DEPDC7: variants seen among roughly 807,000 people sequenced by gnomAD.
DEPDC7 encodes the protein DEP domain-containing protein 7.
DEPDC7 carries 41 observed loss-of-function variants against 56.6 expected under a neutral mutation model. That is an observed-to-expected ratio of 0.72 (90% CI 0.56 to 0.94). DEPDC7 has a LOEUF of 0.94. Ranked by LOEUF, DEPDC7 falls within the 40% of genes least tolerant of loss-of-function variation. The probability of loss-of-function intolerance (pLI) is 0.00; values close to 1 mark genes in which losing one functional copy is unlikely to be tolerated. For synonymous variants in DEPDC7, 185 were observed against 208.8 expected (o/e 0.89, Z 0.98); for missense variants, 522 against 596.3 (o/e 0.88, Z 1.30).
chr11:33,033,389 G>C lies in DEPDC7; in HGVS notation c.1470G>C (p.Lys490Asn), dbSNP rs1165971898. Residue 490 changes from lysine to asparagine, a missense_variant, in exon 9 of 9, where the codon AAG (lysine) becomes AAC (asparagine). Coordinates refer to ENST00000241051, the MANE Select transcript of DEPDC7 (RefSeq NM_001077242.2). ...ATTCAAAACTTTCTGCCAAAGAGAA[G>C]AAAAAATTGCTAGGTCAATTCTATA... ...DEDSKLSAKE[K>N]KKLLGQFYKC... 4 of 1,609,640 alleles carry C rather than the reference G, an allele frequency of 2.5e-6. No individual in the cohort carries two copies.
intron 3 of DEPDC7, chr11:33,028,333 A>G (rs1853599019): frequency 6.4e-6 from 2 of 311,382 alleles, no homozygotes; most frequent in African/African-American, 2.1e-5. Flanking sequence ...CCTTATTAAC[A>G]TGTTACATGA....
intron 6 of DEPDC7, 24 bp from the exon 7 acceptor site, chr11:33,032,644 G>GATATATTTGTTTT (rs1479421064): frequency 6.8e-7 from 1 of 1,466,916 alleles, no homozygotes; most frequent in Non-Finnish European, 9.3e-7. Flanking sequence ...TATACTATTG[G>GATATATTTGTTTT]ATATATTTGT....
chr11:33,033,082 C>A, intron 8 of DEPDC7, 115 bp downstream of exon 8: 1 of 993,790 alleles, frequency 1.0e-6, no homozygotes, highest in Non-Finnish European at 1.5e-6. Context: ...AAAACATTCT[C>A]CTCAGAGTTA....
At position 33,015,884 on chromosome 11, in the gene DEPDC7, A is replaced by G; in HGVS notation, c.-72A>G. 1 of 1,454,402 alleles carries G rather than the reference A, an allele frequency of 6.9e-7. No homozygotes were observed. The highest frequency in any genetic ancestry group is 2.8e-5 in the East Asian group (1 of 36,228). The allele number at this position is 1,454,402 out of a possible 1,614,324, so 90.1% of individuals were successfully genotyped here. On this transcript the variant is annotated 5_prime_UTR_variant, in exon 1 of 9. Coordinates refer to ENST00000241051, the MANE Select transcript of DEPDC7 (RefSeq NM_001077242.2). ...GCAGGGAGCCACGCCCCGCACAGTT[A>G]ACAGACGGGCGCTCAGGGAGCTAGG...
Position 33,030,115 on chromosome 11 carries a change from A to G in DEPDC7, c.783-1263A>G, listed in dbSNP as rs569379264. ...GCTGGAACTACAGGCGCACGCCACC[A>G]TGCCTGGCTGATTTTTGTATTTTTA... On this transcript the variant is annotated intron_variant, in intron 4 of 8. Transcript: ENST00000241051. Among the ~76,000 whole-genome samples the G allele has an allele frequency of 2.3e-3, 346 of 152,252 alleles. 1 individual carries two copies. Among genetic ancestry groups the G allele is most frequent in the African/African-American group, 8.2e-3 (339 of 41,546 alleles).
Position 33,033,507 on chromosome 11 carries a change from C to G in DEPDC7, c.*52C>G, listed in dbSNP as rs1297097487. On this transcript the variant is annotated 3_prime_UTR_variant, in exon 9 of 9. Transcript: ENST00000241051. ...GTATTTTAAGAATAAATTATGTATC[C>G]TAAATATCCAATCACATTTGTAAGC... 8.1e-7 allele frequency: 1 copy of G among 1,231,742 alleles called. No individual in the cohort carries two copies. The highest frequency in any genetic ancestry group is 1.1e-6 in the Non-Finnish European group (1 of 900,366). The allele number at this position is 1,231,742 out of a possible 1,614,324, so 76.3% of individuals were successfully genotyped here. A position where few individuals can be genotyped will look rare whatever the true frequency, so the allele number is the denominator to read the frequency against.
At chr11:33,025,109 C>T (rs1435726358) in intron 1 of DEPDC7, among the ~76,000 whole-genome samples, 3 of 152,114 alleles carry the variant, frequency 2.0e-5, no homozygotes, top group African/African-American at 7.2e-5. Flanking sequence ...AGCCCCTCTC[C>T]CTCCTTGATC....
At chr11:33,027,912 G>A (rs979882204) in intron 3 of DEPDC7, 99 bp downstream of exon 3, 2 of 1,270,644 alleles carry the variant, frequency 1.6e-6, no homozygotes, top group African/African-American at 1.6e-5. Context: ...AATATTCAAA[G>A]TACAGAGAAA....
In DEPDC7 at chr11:33,031,460, C is replaced by G. The variant is rs765821983; in HGVS notation, c.865C>G (p.Pro289Ala). 19 of 1,614,020 alleles carry G rather than the reference C, an allele frequency of 1.2e-5. No individual in the cohort carries two copies. In the Admixed American group the frequency reaches 3.2e-4, roughly 27 times the overall value. ...GGTGGTGGAAATAAGCAGAAGCTTT[C>G]CTGAGCAACCAGACCGAACAGACTT... ...QMVVEISRSF[P>A]EQPDRTDLVK... Residue 289 changes from proline (P) to alanine (A), a missense_variant, in exon 5 of 9, where the codon CCT becomes GCT. Transcript: ENST00000241051.
intron 8 of DEPDC7, 85 bp downstream of exon 8, chr11:33,033,052 C>CT: frequency 8.9e-7 from 1 of 1,129,854 alleles, no homozygotes. Context: ...AGTAGTTGGA[C>CT]TTTAATTTCA....
chr11:33,033,545 A>C lies in DEPDC7; in HGVS notation c.*90A>C, dbSNP rs1478812922. 2 of 996,684 alleles carry C rather than the reference A, an allele frequency of 2.0e-6. No individual in the cohort carries two copies. The highest frequency in any genetic ancestry group is 1.7e-5 in the African/African-American group (1 of 59,842). 61.7% of individuals were successfully genotyped at this position (996,684 alleles called of 1,614,324 possible). A position where few individuals can be genotyped will look rare whatever the true frequency, so the allele number is the denominator to read the frequency against. ...CACATTTGTAAGCGTGGAAGCTCTA[A>C]ATTTGAAACTGTACTTAATAAAAAT... On this transcript the variant is annotated 3_prime_UTR_variant, in exon 9 of 9. Transcript: ENST00000241051.
Position 33,028,700 on chromosome 11 carries a change from A to G in DEPDC7, c.690A>G (p.Val230=), listed in dbSNP as rs190343171. The stretch of plus-strand genomic sequence containing the variant: ...CCTTACTGAAACAGCAAGAGGCTGT[A>G]CCTAAAATTCCTCAACCTAAGAGGC... ...LDSLLKQQEA[V]PKIPQPKRQS... is the part of the protein sequence containing the mutation. Residue 230 remains valine (V), a synonymous_variant, in exon 4 of 9, where the codon GTA becomes GTG. Transcript: ENST00000241051. The G allele has an allele frequency of 1.7e-5, 27 of 1,613,998 alleles. No homozygotes were observed. The East Asian group carries it at 5.8e-4, about 35-fold the overall frequency.
At chr11:33,023,662 A>T (rs1469113905) in intron 1 of DEPDC7, among the ~76,000 whole-genome samples, 1 of 152,170 alleles carries the variant, frequency 6.6e-6, no homozygotes, top group East Asian at 1.9e-4. Flanking sequence ...CCTCCTGAGT[A>T]ACTGGGATTG....
chr11:33,033,192 T>C, intron 8 of DEPDC7, 70 bp from the exon 9 acceptor site: 1 of 1,223,456 alleles, frequency 8.2e-7, no homozygotes, highest in Non-Finnish European at 1.2e-6. Context: ...GACAAGAATA[T>C]TGCTTGATTT....
chr11:33,025,100 G>T (rs1325684814), intron 1 of DEPDC7, among the ~76,000 whole-genome samples: 3 of 152,004 alleles, frequency 2.0e-5, no homozygotes, highest in Non-Finnish European at 4.4e-5. Context: ...TCAAACTCCA[G>T]CCCCTCTCCC....
chr11:33,015,882 T>C lies in DEPDC7; in HGVS notation c.-74T>C, dbSNP rs1384091880. The C allele has an allele frequency of 9.7e-6, 14 of 1,445,182 alleles. No individual in the cohort carries two copies. Among genetic ancestry groups the C allele is most frequent in the Non-Finnish European group, 1.3e-5 (14 of 1,069,218 alleles). 89.5% of individuals were successfully genotyped at this position (1,445,182 alleles called of 1,614,324 possible). ...CTGCAGGGAGCCACGCCCCGCACAG[T>C]TAACAGACGGGCGCTCAGGGAGCTA... On this transcript the variant is annotated 5_prime_UTR_variant, in exon 1 of 9. Transcript: ENST00000241051.
intron 2 of DEPDC7, chr11:33,026,256 AAC>A (rs1267228794): frequency 1.7e-6 from 1 of 591,238 alleles, no homozygotes; most frequent in Non-Finnish European, 3.0e-6. Context: ...AGAAGCAGTC[AAC>A]ACACTTTGAT....
chr11:33,031,362 C>T lies in DEPDC7; in HGVS notation c.783-16C>T. The T allele has an allele frequency of 6.3e-7, 1 of 1,592,984 alleles. No individual in the cohort carries two copies. Among genetic ancestry groups the T allele is most frequent in the Non-Finnish European group, 8.6e-7 (1 of 1,160,840 alleles). Reference sequence around the variant, plus strand: ...CTTCCCTTGCCTTTTAAATAATCTTCCCCTCTCCCCTATAGGGAAGATGAG... The same window carrying T: ...CTTCCCTTGCCTTTTAAATAATCTTTCCCTCTCCCCTATAGGGAAGATGAG... On this transcript the variant is annotated splice_polypyrimidine_tract_variant and intron_variant, in intron 4 of 8. Transcript: ENST00000241051.
intron 3 of DEPDC7, chr11:33,028,206 G>GTA (rs900472362): frequency 5.1e-6 from 1 of 194,686 alleles, no homozygotes; most frequent in Non-Finnish European, 1.0e-5. Context: ...ATAGTTTAAT[G>GTA]ACTTTAATTT....
Sources: allele counts gnomAD v4.1 joint callset (sites outside exome capture counted in the v4.1 genomes callset), GRCh38; gene constraint gnomAD v4.1.1; transcripts MANE v1.5; gene names NCBI Gene and HGNC (gene_info 2026-07-23, HGNC 2026-07-21).